RAD54B: variants seen among roughly 807,000 people sequenced by gnomAD.
RAD54B encodes RAD54 homolog B, also known as DNA repair and recombination protein RAD54B.
In RAD54B, 78 loss-of-function variants were observed where a neutral mutation model predicts 95.8. The ratio of observed to expected loss-of-function variants is 0.81; its 90% CI spans 0.68 to 0.98. The LOEUF (loss-of-function observed/expected upper bound fraction) is 0.98. Among genes scored for constraint, RAD54B ranks in the 50% least tolerant of loss-of-function variants. The pLI is 0.00. For synonymous variants in RAD54B, 328 were observed against 354.9 expected, an observed-to-expected ratio of 0.92 and a Z score of 0.85; for missense variants, 957 against 1,056.6, an observed-to-expected ratio of 0.91 and a Z score of 1.31.
chr8:94,464,271 A>C (rs968292434), intron 2 of RAD54B, among the ~76,000 whole-genome samples: 1 of 152,148 alleles, frequency 6.6e-6, no homozygotes, highest in Non-Finnish European at 1.5e-5. Flanking sequence ...CAGAAAACCA[A>C]AGAGAAGGAA....
At chr8:94,453,558 C>T (rs1311923625) in intron 3 of RAD54B, among the ~76,000 whole-genome samples, 3 of 151,802 alleles carry the variant, frequency 2.0e-5, no homozygotes, top group Non-Finnish European at 4.4e-5. Context: ...TAAGGTAGTT[C>T]TAAATGCATT....
Position 94,428,007 on chromosome 8 carries a change from T to A in RAD54B, c.305-16692A>T, listed in dbSNP as rs528885122. On this transcript the variant is annotated intron_variant, in intron 3 of 14. Coordinates refer to ENST00000336148, the MANE Select transcript of RAD54B (RefSeq NM_012415.3). Reference sequence around the variant, plus strand: ...AAAAATACTTGACTATTTTAAGAAATCTGGTATTCGTTAGAAATGAGTTTC... The same window carrying A: ...AAAAATACTTGACTATTTTAAGAAAACTGGTATTCGTTAGAAATGAGTTTC... The A allele has an allele frequency of 6.5e-6, 6 of 929,628 alleles. No individual in the cohort carries two copies. In the African/African-American group the frequency reaches 1.1e-4, roughly 17 times the overall value. 57.6% of individuals were successfully genotyped at this position (929,628 alleles called of 1,614,324 possible). A position where few individuals can be genotyped will look rare whatever the true frequency, so the allele number is the denominator to read the frequency against.
chr8:94,448,520 C>T (rs1327189363), intron 3 of RAD54B, among the ~76,000 whole-genome samples: 1 of 152,098 alleles, frequency 6.6e-6, no homozygotes, highest in Non-Finnish European at 1.5e-5. Context: ...CCCATGTTCG[C>T]TGCATCATGG....
At chr8:94,439,249 G>T (rs954415261) in intron 3 of RAD54B, among the ~76,000 whole-genome samples, 1 of 152,096 alleles carries the variant, frequency 6.6e-6, no homozygotes. Flanking sequence ...TAAAATTGTG[G>T]TAATTTTATG....
At chr8:94,407,096 T>C (rs1415396927) in intron 5 of RAD54B, among the ~76,000 whole-genome samples, 1 of 152,162 alleles carries the variant, frequency 6.6e-6, no homozygotes, top group Admixed American at 6.5e-5. Context: ...TAGTCCAGAT[T>C]AATACATTTA....
rs987533698 is a variant in RAD54B at position 94,371,999 on chromosome 8, C to T, written c.*171G>A. 8.0e-6 allele frequency: 9 copies of T among 1,129,030 alleles called. No homozygotes were observed. The highest frequency in any genetic ancestry group is 8.2e-6 in the Non-Finnish European group (7 of 852,688). 69.9% of individuals were successfully genotyped at this position (1,129,030 alleles called of 1,614,324 possible). On this transcript the variant is annotated 3_prime_UTR_variant, in exon 15 of 15. Coordinates refer to ENST00000336148, the MANE Select transcript of RAD54B (RefSeq NM_012415.3). ...CACATCTTTATTTTTCATTTAAACACTTAATATTTACAAAACATTAAACCA... is the reference window on the plus strand; with the variant it reads ...CACATCTTTATTTTTCATTTAAACATTTAATATTTACAAAACATTAAACCA...
At position 94,372,264 on chromosome 8, in the gene RAD54B, T is replaced by G. The variant is rs116312454; in HGVS notation, c.2639A>C (p.Asp880Ala). ...AAAAGGATCTGTAAGATTTAAATGA[T>G]CTCCAGAAAAATGTTTCCATTGCTT... ...QLKQWKHFSG[D>A]HLNLTDPFLE... Residue 880 changes from aspartate to alanine, a missense_variant, in exon 15 of 15, where the codon GAT becomes GCT. Physicochemically the swap from Asp to Ala is moderately radical, Grantham distance 126. Coordinates refer to ENST00000336148, the MANE Select transcript of RAD54B (RefSeq NM_012415.3). The G allele has an allele frequency of 5.6e-6, 9 of 1,613,126 alleles. No homozygotes were observed. The Middle Eastern group carries it at 5.0e-4, about 89-fold the overall frequency.
chr8:94,439,200 G>T (rs1042274710), intron 3 of RAD54B, among the ~76,000 whole-genome samples: 1 of 152,190 alleles, frequency 6.6e-6, no homozygotes, highest in Non-Finnish European at 1.5e-5. Context: ...TGGTGATCTG[G>T]AAGTATCTAC....
intron 10 of RAD54B, among the ~76,000 whole-genome samples, 172 bp downstream of exon 10, chr8:94,391,437 A>G (rs144592671): frequency 2.1e-3 from 320 of 149,246 alleles, no homozygotes; most frequent in African/African-American, 7.2e-3. Flanking sequence ...CATGCTCTGA[A>G]GAACAAATGA....
intron 6 of RAD54B, among the ~76,000 whole-genome samples, chr8:94,402,287 T>C (rs1366239080): frequency 6.6e-6 from 1 of 151,430 alleles, no homozygotes; most frequent in African/African-American, 2.4e-5. Flanking sequence ...GGAGTCTTGC[T>C]CTGTCATCCA....
intron 7 of RAD54B, 72 bp from the exon 8 acceptor site, chr8:94,399,693 C>G (rs1175043862): frequency 6.8e-7 from 1 of 1,473,116 alleles, no homozygotes. Context: ...GCAGCCTATT[C>G]CTGACAGTCA....
At chr8:94,430,790 G>C (rs749286123) in intron 3 of RAD54B, 2 of 985,312 alleles carry the variant, frequency 2.0e-6, no homozygotes, top group East Asian at 2.3e-4. Context: ...GTTTATCCCC[G>C]CATGTGAAAA....
chr8:94,432,198 T>C (rs1015554318), intron 3 of RAD54B: 2 of 1,550,264 alleles, frequency 1.3e-6, no homozygotes, highest in African/African-American at 2.7e-5. Flanking sequence ...CACTTCAATT[T>C]TTGCTCTTAG....
intron 8 of RAD54B, among the ~76,000 whole-genome samples, 162 bp downstream of exon 8, chr8:94,399,252 G>A (rs926363378): frequency 2.0e-5 from 3 of 152,040 alleles, no homozygotes; most frequent in Non-Finnish European, 4.4e-5. Flanking sequence ...ATTACACATG[G>A]ATTTGAAGAT....
At chr8:94,409,028 A>G (rs901612161) in intron 4 of RAD54B, among the ~76,000 whole-genome samples, 4 of 151,986 alleles carry the variant, frequency 2.6e-5, no homozygotes, top group African/African-American at 9.7e-5. Context: ...GTATTATGCA[A>G]TGATGGCCAA....
At chr8:94,395,977 C>T (rs1439093460) in intron 8 of RAD54B, among the ~76,000 whole-genome samples, 1 of 151,968 alleles carries the variant, frequency 6.6e-6, no homozygotes, top group African/African-American at 2.4e-5. Flanking sequence ...GAAATCATCC[C>T]AACTGATATA....
At position 94,404,142 on chromosome 8, in the gene RAD54B, T is replaced by C. The variant is rs146985125; in HGVS notation, c.879A>G (p.Val293=). 8.7e-6 allele frequency: 14 copies of C among 1,611,124 alleles called. No homozygotes were observed. Among genetic ancestry groups the C allele is most frequent in the Non-Finnish European group, 1.2e-5 (14 of 1,177,800 alleles). The change falls in exon 6 of 15, where the codon GTA becomes GTG. Residue 293 remains valine, a synonymous_variant. Transcript: ENST00000336148. The stretch of plus-strand genomic sequence containing the variant: ...CTTTCTGATGTGGTCGAAGATGATA[T>C]ACAAGGTAAGGATCAATCACTACAT... ...LVDVVIDPYL[V]YHLRPHQKEG...
Position 94,400,277 on chromosome 8 carries a change from C to A in RAD54B, c.1131G>T (p.Trp377Cys). The part of the protein sequence containing the change: ...VNNWKKEFQK[W>C]LGSERIKIFT... ...ATATCTTGATCCTTTCACTTCCTAG[C>A]CATTTTTGAAATTCTTTCTTCCAAT... The change falls in exon 7 of 15, where the codon TGG becomes TGT. Residue 377 changes from tryptophan (W) to cysteine (C), a missense_variant. Physicochemically the swap from Trp to Cys is radical, Grantham distance 215. Coordinates refer to ENST00000336148, the MANE Select transcript of RAD54B (RefSeq NM_012415.3). The A allele has an allele frequency of 6.2e-7, 1 of 1,613,672 alleles. No homozygotes were observed. The highest frequency in any genetic ancestry group is 8.5e-7 in the Non-Finnish European group (1 of 1,179,746).
intron 3 of RAD54B, among the ~76,000 whole-genome samples, chr8:94,437,967 G>C (rs1812308225): frequency 6.6e-6 from 1 of 152,230 alleles, no homozygotes; most frequent in South Asian, 2.1e-4. Flanking sequence ...GAATAAATTA[G>C]AACATACTTG....
Sources: gnomAD v4.1 joint callset for allele counts (sites outside exome capture counted in the v4.1 genomes callset) on GRCh38, gnomAD v4.1.1 for gene constraint, MANE v1.5 for transcripts, NCBI Gene and HGNC (gene_info 2026-07-23, HGNC 2026-07-21) for gene names.